The following RORB variants were observed in gnomAD, a reference collection of about 807,000 sequenced individuals.
The protein encoded by RORB is RAR related orphan receptor B, also known as nuclear receptor ROR-beta.
Under a neutral mutation model 59.1 loss-of-function variants are expected in RORB, and 6 were observed. The ratio of observed to expected loss-of-function variants is 0.10; its 90% CI spans 0.06 to 0.20. The LOEUF (loss-of-function observed/expected upper bound fraction) is 0.20, where lower values mean the gene tolerates loss of function less well. RORB is among the 10% of genes least tolerant of loss of function. The pLI is 1.00. For synonymous variants in RORB, 215 were observed against 204.5 expected, an observed-to-expected ratio of 1.05 and a Z score of -0.44; for missense variants, 320 against 560.5, an observed-to-expected ratio of 0.57 and a Z score of 4.33.
At position 74,688,768 on chromosome 9, in the gene RORB, C is replaced by G. The variant is rs1824690161; in HGVS notation, c.*3150C>G. 6.6e-6 allele frequency: 1 copy of G among 152,090 alleles called. No homozygotes were observed. The allele number at this position is 152,090 out of a possible 1,614,324, so 9.4% of individuals were successfully genotyped here. On this transcript the variant is annotated 3_prime_UTR_variant, in exon 10 of 10. Transcript: ENST00000376896. The stretch of plus-strand genomic sequence containing the variant: ...ATTTGGACTTGCTGAAAAGTTGCAC[C>G]CAAGTAAGGACAACTTGGTCTCATT...
At chr9:74,580,851 C>A (rs1194431316) in intron 1 of RORB, among the ~76,000 whole-genome samples, 2 of 152,170 alleles carry the variant, frequency 1.3e-5, no homozygotes, top group Middle Eastern at 3.4e-3. Flanking sequence ...TTTATAACAG[C>A]AAAAGTAGTA....
At chr9:74,540,276 C>T (rs188243595) in intron 1 of RORB, among the ~76,000 whole-genome samples, 1 of 152,310 alleles carries the variant, frequency 6.6e-6, no homozygotes, top group African/African-American at 2.4e-5. Context: ...CCCCAACCTG[C>T]CTCCTCTAGC....
At chr9:74,670,272 G>C (rs1048752273) in intron 8 of RORB, among the ~76,000 whole-genome samples, 8 of 152,168 alleles carry the variant, frequency 5.3e-5, no homozygotes, top group Non-Finnish European at 1.0e-4. Flanking sequence ...ATGGATGAGG[G>C]AGATGGTTTT....
At chr9:74,657,172 A>C (rs1270187951) in intron 4 of RORB, among the ~76,000 whole-genome samples, 3 of 152,126 alleles carry the variant, frequency 2.0e-5, no homozygotes, top group Admixed American at 1.3e-4. Flanking sequence ...CAGCCTCTTG[A>C]GTAGCTGGAA....
intron 1 of RORB, among the ~76,000 whole-genome samples, chr9:74,588,599 A>T (rs1373766696): frequency 6.6e-6 from 1 of 152,172 alleles, no homozygotes; most frequent in Non-Finnish European, 1.5e-5. Context: ...GAATTCTTTG[A>T]TTTAGAACAA....
intron 1 of RORB, among the ~76,000 whole-genome samples, chr9:74,617,452 C>G (rs1823331670): frequency 1.3e-5 from 2 of 152,168 alleles, no homozygotes; most frequent in African/African-American, 4.8e-5. Flanking sequence ...AACAACTTCA[C>G]CAGCTTACAT....
chr9:74,527,067 T>C (rs905428005), intron 1 of RORB, among the ~76,000 whole-genome samples: 2 of 151,960 alleles, frequency 1.3e-5, no homozygotes, highest in Non-Finnish European at 2.9e-5. Flanking sequence ...TCCTTATTAA[T>C]TAAAGCTAGC....
chr9:74,668,825 C>T (rs370798877), intron 8 of RORB, among the ~76,000 whole-genome samples: 1 of 152,078 alleles, frequency 6.6e-6, no homozygotes, highest in African/African-American at 2.4e-5. Flanking sequence ...ATAACTTGAC[C>T]TACACAGTTC....
chr9:74,665,350 C>CTGTG, intron 6 of RORB, 138 bp from the exon 7 acceptor site: 1 of 425,596 alleles, frequency 2.3e-6, no homozygotes, highest in Non-Finnish European at 4.1e-6. Context: ...ATGTGTGTGC[C>CTGTG]TGTGTGTGTG....
chr9:74,646,998 CA>C (rs1390138043), intron 4 of RORB, among the ~76,000 whole-genome samples: 1 of 151,992 alleles, frequency 6.6e-6, no homozygotes, highest in Non-Finnish European at 1.5e-5. Context: ...GGTAAGCAAA[CA>C]GAAAACCATG....
intron 1 of RORB, among the ~76,000 whole-genome samples, chr9:74,543,792 CT>C (rs11318649): frequency 0.86 from 130,369 of 152,064 alleles, 55,986 homozygotes; most frequent in South Asian, 0.91. Context: ...AGATATTTTT[CT>C]TTGTAGTAAT....
At chr9:74,586,910 GT>G (rs1822809578) in intron 1 of RORB, among the ~76,000 whole-genome samples, 1 of 152,046 alleles carries the variant, frequency 6.6e-6, no homozygotes, top group Non-Finnish European at 1.5e-5. Context: ...GCATTGTTCA[GT>G]TTTTTTAACC....
chr9:74,548,511 A>T (rs922078850), intron 1 of RORB, among the ~76,000 whole-genome samples: 1 of 152,218 alleles, frequency 6.6e-6, no homozygotes, highest in South Asian at 2.1e-4. Context: ...GTCCAGATTA[A>T]TTCTTTTTAG....
chr9:74,582,501 A>G (rs866928583), intron 1 of RORB, among the ~76,000 whole-genome samples: 51 of 152,350 alleles, frequency 3.3e-4, no homozygotes, highest in African/African-American at 1.1e-3. Flanking sequence ...AGAGGTTACA[A>G]ACTGGCAGAC....
Position 74,685,550 on chromosome 9 carries a change from G to C in RORB, c.1312G>C (p.Val438Leu). 6.2e-7 allele frequency: 1 copy of C among 1,613,396 alleles called. No individual in the cohort carries two copies. Residue 438 changes from valine to leucine, a missense_variant, in exon 10 of 10, where the codon GTG (valine) becomes CTG (leucine). This residue lies in a region of RORB where 109 missense variants were observed against 171.0 expected (regional missense o/e 0.64). Coordinates refer to ENST00000376896, the MANE Select transcript of RORB (RefSeq NM_006914.4). ...ATTTAAGCAATCTCATCCAGAGATA[G>C]TGAATACACTGTTTCCTCCGTTATA... is the stretch of plus-strand genomic sequence containing the variant. The part of the protein sequence containing the change: ...QVFKQSHPEI[V>L]NTLFPPLYKE...
At chr9:74,557,811 C>G (rs1171571415) in intron 1 of RORB, among the ~76,000 whole-genome samples, 1 of 151,980 alleles carries the variant, frequency 6.6e-6, no homozygotes, top group Non-Finnish European at 1.5e-5. Flanking sequence ...AAAGTTCTGT[C>G]TTGTTCCTTT....
intron 1 of RORB, among the ~76,000 whole-genome samples, chr9:74,514,659 AT>A (rs1825983932): frequency 6.7e-6 from 1 of 148,440 alleles, no homozygotes; most frequent in African/African-American, 2.4e-5. Flanking sequence ...AATGATATTT[AT>A]ATAATATATA....
intron 1 of RORB, among the ~76,000 whole-genome samples, chr9:74,516,815 A>G (rs1034487660): frequency 2.0e-5 from 3 of 151,972 alleles, no homozygotes; most frequent in African/African-American, 7.2e-5. Context: ...CCTTATATTT[A>G]TTTATATTTG....
chr9:74,551,809 C>T (rs778554398), intron 1 of RORB, among the ~76,000 whole-genome samples: 1 of 152,088 alleles, frequency 6.6e-6, no homozygotes, highest in African/African-American at 2.4e-5. Flanking sequence ...GGTTGCCATT[C>T]GTTTGATTTT....
Sources: gnomAD v4.1 joint callset for allele counts (sites outside exome capture counted in the v4.1 genomes callset) on GRCh38, gnomAD v4.1.1 for gene constraint, gnomAD v4.1.1 regional missense constraint, MANE v1.5 for transcripts, NCBI Gene and HGNC (gene_info 2026-07-23, HGNC 2026-07-21) for gene names.